The following DEPDC4 variants were observed in gnomAD, a reference collection of about 807,000 sequenced individuals.
DEPDC4 encodes DEP domain-containing protein 4.
A neutral mutation model predicts 52.0 loss-of-function variants in DEPDC4; 52 were observed. The observed-to-expected ratio is 1.00, with a 90% CI of 0.80 to 1.26. The LOEUF is 1.26. Ranked by LOEUF, DEPDC4 falls within the 50% of genes most tolerant of loss-of-function variation. The pLI is 0.00. For missense variants in DEPDC4, 530 were observed against 546.9 expected, an observed-to-expected ratio of 0.97 and a Z score of 0.31; for synonymous variants, 201 against 196.8, an observed-to-expected ratio of 1.02 and a Z score of -0.18.
In DEPDC4 at chr12:100,263,495, A is replaced by G; in HGVS notation, c.554+2T>C. ...TATTACAGTATCTTAGGTAACACTAACCTCAAGGTTTCATTGAACTCATTC... is the reference window on the plus strand; with the variant it reads ...TATTACAGTATCTTAGGTAACACTAGCCTCAAGGTTTCATTGAACTCATTC... On this transcript the variant is annotated splice_donor_variant, in intron 2 of 9. Coordinates refer to ENST00000550587, the MANE Select transcript of DEPDC4 (RefSeq NM_001364818.2). LOFTEE classifies it high-confidence loss of function. The G allele has an allele frequency of 6.4e-7, 1 of 1,569,530 alleles. No individual in the cohort carries two copies. The highest frequency in any genetic ancestry group is 1.2e-5 in the South Asian group (1 of 82,188).
rs557736534 is a variant in DEPDC4 at position 100,263,305 on chromosome 12, C to G, written c.554+192G>C. Among the ~76,000 whole-genome samples, 5 of 152,210 alleles carry G rather than the reference C, an allele frequency of 3.3e-5. No homozygotes were observed. In the East Asian group the frequency reaches 9.6e-4, roughly 29 times the overall value. On this transcript the variant is annotated intron_variant, in intron 2 of 9. Transcript: ENST00000550587. ...TAGTACATTCACAAAGTTGTGCAGCCATCACTATTATCTAATTCTAGTCTA... is the reference window on the plus strand; with the variant it reads ...TAGTACATTCACAAAGTTGTGCAGCGATCACTATTATCTAATTCTAGTCTA...
chr12:100,236,938 G>C (rs969507615), downstream of DEPDC4, among the ~76,000 whole-genome samples: 1 of 152,088 alleles, frequency 6.6e-6, no homozygotes, highest in African/African-American at 2.4e-5. Context: ...GTTGAAGAGG[G>C]TGTCCTTTCC....
At chr12:100,259,752 A>T (rs1228328135) in intron 3 of DEPDC4, among the ~76,000 whole-genome samples, 1 of 152,146 alleles carries the variant, frequency 6.6e-6, no homozygotes, top group African/African-American at 2.4e-5. Context: ...CAATATAAGC[A>T]TGCTATTTAG....
rs2096160433 is a variant in DEPDC4 at position 100,241,859 on chromosome 12, A to C, written c.*47-14T>G. ...AAAACGTAAAGCCTGGAAAAAAAAA[A>C]AAAAAACAAAAGAAAAAGAAAAGTA... On this transcript the variant is annotated splice_polypyrimidine_tract_variant and intron_variant, in intron 9 of 9. Transcript: ENST00000550587. 3 of 1,199,804 alleles carry C rather than the reference A, an allele frequency of 2.5e-6. No individual in the cohort carries two copies. Among genetic ancestry groups the C allele is most frequent in the Middle Eastern group, 2.3e-4 (1 of 4,284 alleles). 74.3% of individuals were successfully genotyped at this position (1,199,804 alleles called of 1,614,324 possible). A position where few individuals can be genotyped will look rare whatever the true frequency, so the allele number is the denominator to read the frequency against.
the DEPDC4 span, among the ~76,000 whole-genome samples, chr12:100,272,213 C>T: frequency 6.6e-6 from 1 of 152,054 alleles, no homozygotes; most frequent in Admixed American, 6.6e-5. Flanking sequence ...ATGAGAAATG[C>T]CTTACATGAC....
At chr12:100,278,833 T>A in the DEPDC4 span, among the ~76,000 whole-genome samples, 1 of 152,098 alleles carries the variant, frequency 6.6e-6, no homozygotes, top group Non-Finnish European at 1.5e-5. Flanking sequence ...TTTCTCCATG[T>A]TTGCCAGGAT....
chr12:100,254,319 C>CTTTTTTT (rs67921438), intron 4 of DEPDC4, among the ~76,000 whole-genome samples: 2 of 89,436 alleles, frequency 2.2e-5, no homozygotes, highest in African/African-American at 5.2e-5. Context: ...TTTTTTTTGA[C>CTTTTTTT]TTTTTTTTTT....
chr12:100,264,538 G>C (rs1376334361), intron 1 of DEPDC4, among the ~76,000 whole-genome samples: 2 of 152,068 alleles, frequency 1.3e-5, no homozygotes, highest in Non-Finnish European at 2.9e-5. Flanking sequence ...AATTAGCCGA[G>C]CGTGGTGGCA....
chr12:100,262,142 G>C, intron 3 of DEPDC4, 122 bp downstream of exon 3: 1 of 888,272 alleles, frequency 1.1e-6, no homozygotes, highest in Non-Finnish European at 1.7e-6. Flanking sequence ...GAAGCAAGGG[G>C]TATGTGGGAA....
chr12:100,252,626 A>G, intron 5 of DEPDC4, 90 bp from the exon 6 acceptor site: 1 of 1,282,898 alleles, frequency 7.8e-7, no homozygotes, highest in Middle Eastern at 2.8e-4. Context: ...AAAATGCTAC[A>G]ATGTTGTATT....
In DEPDC4 at chr12:100,263,854, C is replaced by T; in HGVS notation, c.197G>A (p.Gly66Asp). ...TTGGGCCTGAAGAGAGTGAATAATA[C>T]CATCCCATAGCTGAGTAGCTTGAAA... is the stretch of plus-strand genomic sequence containing the variant. ...GPFQATQLWD[G>D]IIHSLQAQVE... is the part of the protein sequence containing the mutation. Residue 66 changes from glycine to aspartate, a missense_variant, in exon 2 of 10, where the codon GGT (glycine) becomes GAT (aspartate). By Grantham distance (94) the Gly-to-Asp change is moderately conservative (BLOSUM62 -1). Coordinates refer to ENST00000550587, the MANE Select transcript of DEPDC4 (RefSeq NM_001364818.2). 1 of 1,613,866 alleles carries T rather than the reference C, an allele frequency of 6.2e-7. No homozygotes were observed. Among genetic ancestry groups the T allele is most frequent in the South Asian group, 1.1e-5 (1 of 90,988 alleles).
intron 3 of DEPDC4, among the ~76,000 whole-genome samples, chr12:100,257,484 A>G (rs1335418261): frequency 6.6e-6 from 1 of 151,688 alleles, no homozygotes; most frequent in Non-Finnish European, 1.5e-5. Context: ...CAGGAGGTTC[A>G]CCTGCCTCAG....
downstream of DEPDC4, among the ~76,000 whole-genome samples, chr12:100,237,207 CTTTT>C (rs55710732): frequency 7.3e-6 from 1 of 136,152 alleles, no homozygotes; most frequent in African/African-American, 2.8e-5. Context: ...TTTTCTTTTT[CTTTT>C]TTTTTTTTTT....
chr12:100,279,278 A>T, the DEPDC4 span, among the ~76,000 whole-genome samples: 12 of 152,238 alleles, frequency 7.9e-5, no homozygotes, highest in African/African-American at 2.9e-4. Context: ...AGTTCACAGT[A>T]GGGTTCAGGC....
intron 8 of DEPDC4, among the ~76,000 whole-genome samples, chr12:100,243,492 T>C (rs891756564): frequency 6.6e-6 from 1 of 152,148 alleles, no homozygotes; most frequent in African/African-American, 2.4e-5. Flanking sequence ...ATCCCCCAAC[T>C]TCCTACCCTT....
At position 100,264,444 on chromosome 12, in the gene DEPDC4, C is replaced by T. The variant is rs111306581; in HGVS notation, c.158-551G>A. On this transcript the variant is annotated intron_variant, in intron 1 of 9. Coordinates refer to ENST00000550587, the MANE Select transcript of DEPDC4 (RefSeq NM_001364818.2). ...CTGTAATCCCAGCATTTTCAGAAGCCGAGGCAGGCAGATCACCTGAGGTCA... is the reference window on the plus strand; with the variant it reads ...CTGTAATCCCAGCATTTTCAGAAGCTGAGGCAGGCAGATCACCTGAGGTCA... 4.1e-3 allele frequency among the ~76,000 whole-genome samples: 629 copies of T among 151,922 alleles called. 5 individuals are homozygous for T. The highest frequency in any genetic ancestry group is 0.025 in the South Asian group (122 of 4,800).
chr12:100,271,760 T>G (rs775901425), upstream of DEPDC4, among the ~76,000 whole-genome samples: 1 of 151,954 alleles, frequency 6.6e-6, no homozygotes, highest in Non-Finnish European at 1.5e-5. Flanking sequence ...TGCTTTATAA[T>G]ATTTTATTCT....
chr12:100,250,564 G>A (rs2096203484), intron 7 of DEPDC4, among the ~76,000 whole-genome samples: 1 of 152,092 alleles, frequency 6.6e-6, no homozygotes, highest in Non-Finnish European at 1.5e-5. Context: ...GGAACATGAA[G>A]GGGGAGGTAG....
the DEPDC4 span, among the ~76,000 whole-genome samples, chr12:100,277,141 A>T: frequency 6.6e-6 from 1 of 152,182 alleles, no homozygotes; most frequent in South Asian, 2.1e-4. Flanking sequence ...ATATTTTGAG[A>T]CTTATTTCAT....
Sources: gnomAD v4.1 joint callset for allele counts (sites outside exome capture counted in the v4.1 genomes callset) on GRCh38, gnomAD v4.1.1 for gene constraint, MANE v1.5 for transcripts, NCBI Gene and HGNC (gene_info 2026-07-23, HGNC 2026-07-21) for gene names.